Variants in TRPC6 observed in about 807,000 individuals in gnomAD.
The protein encoded by TRPC6 is transient receptor potential cation channel subfamily C member 6.
TRPC6 carries 55 observed loss-of-function variants against 90.7 expected under a neutral mutation model. The ratio of observed to expected loss-of-function variants is 0.61; its 90% CI spans 0.49 to 0.76. The LOEUF is 0.76. Ranked by LOEUF, TRPC6 falls within the 30% of genes least tolerant of loss-of-function variation. The pLI is 0.00. For synonymous variants in TRPC6, 393 were observed against 393.0 expected (o/e 1.00, Z 0.00); for missense variants, 989 against 1,122.7 (o/e 0.88, Z 1.70).
chr11:101,457,849 A>G (rs758475761), intron 10 of TRPC6, among the ~76,000 whole-genome samples: 6 of 152,182 alleles, frequency 3.9e-5, no homozygotes, highest in Non-Finnish European at 8.8e-5. Context: ...ACATTCTATA[A>G]TTGTCAAGAG....
At chr11:101,520,298 G>A (rs998893655) in intron 1 of TRPC6, among the ~76,000 whole-genome samples, 8 of 151,866 alleles carry the variant, frequency 5.3e-5, no homozygotes, top group Admixed American at 2.6e-4. Context: ...CTTCCCCTTC[G>A]CCTTCCACCA....
In TRPC6 at chr11:101,491,986, G is replaced by A. The variant is rs10895116; in HGVS notation, c.946-248C>T. ...CTCCCGAGTAGCTGGGACTACAGGCGCCCGCCACCACGCCCGGCTAATTTT... is the reference window on the plus strand; with the variant it reads ...CTCCCGAGTAGCTGGGACTACAGGCACCCGCCACCACGCCCGGCTAATTTT... On this transcript the variant is annotated intron_variant, in intron 2 of 12. Transcript: ENST00000344327. 0.39 allele frequency among the ~76,000 whole-genome samples: 58,960 copies of A among 150,654 alleles called. 12,345 individuals are homozygous for A. The highest frequency in any genetic ancestry group is 0.56 in the African/African-American group (22,749 of 40,934).
In TRPC6 at chr11:101,499,641, A is replaced by G. The variant is rs1565218525; in HGVS notation, c.945+4383T>C. Among the ~76,000 whole-genome samples, 6 of 41,774 alleles carry G rather than the reference A, an allele frequency of 1.4e-4. No individual in the cohort carries two copies. In the South Asian group the frequency reaches 2.1e-3, roughly 15 times the overall value. 27.4% of individuals were successfully genotyped at this position (41,774 alleles called of 152,430 possible). On this transcript the variant is annotated intron_variant, in intron 2 of 12. Transcript: ENST00000344327. The stretch of plus-strand genomic sequence containing the variant: ...TATACACACACAATATAAAATGTGT[A>G]TATATATATATACACAATATAAAAT...
intron 1 of TRPC6, among the ~76,000 whole-genome samples, chr11:101,509,209 C>T (rs1860343526): frequency 6.6e-6 from 1 of 151,512 alleles, no homozygotes; most frequent in Admixed American, 6.6e-5. Context: ...ATCAATCCTC[C>T]TTCCTCAGCC....
intron 1 of TRPC6, among the ~76,000 whole-genome samples, chr11:101,555,400 G>T (rs1478652536): frequency 6.6e-6 from 1 of 152,036 alleles, no homozygotes; most frequent in Non-Finnish European, 1.5e-5. Context: ...TCCTTTTCCT[G>T]TCTAGGAAGG....
At chr11:101,468,006 C>G (rs1454362034) in intron 10 of TRPC6, among the ~76,000 whole-genome samples, 1 of 152,180 alleles carries the variant, frequency 6.6e-6, no homozygotes, top group African/African-American at 2.4e-5. Flanking sequence ...GCAAGCCAAA[C>G]AAAACTTGTC....
At chr11:101,473,455 C>G (rs1859339968) in intron 7 of TRPC6, 54 bp downstream of exon 7, 1 of 1,592,552 alleles carries the variant, frequency 6.3e-7, no homozygotes, top group Admixed American at 1.7e-5. Flanking sequence ...CGCTGTTAAA[C>G]TAATATTTAT....
chr11:101,544,879 T>A (rs4477410), intron 1 of TRPC6, among the ~76,000 whole-genome samples: 108,715 of 151,750 alleles, frequency 0.72, 39,454 homozygotes, highest in East Asian at 0.99. Context: ...AAAGTATAAT[T>A]AAAAAAAATG....
intron 1 of TRPC6, among the ~76,000 whole-genome samples, chr11:101,557,048 G>A (rs566540990): frequency 1.0e-3 from 159 of 152,238 alleles, no homozygotes; most frequent in Non-Finnish European, 1.9e-3. Context: ...ACGTATAGAA[G>A]AAAGGTACCT....
chr11:101,458,994 A>G (rs1480551675), intron 10 of TRPC6, among the ~76,000 whole-genome samples: 1 of 152,250 alleles, frequency 6.6e-6, no homozygotes, highest in Non-Finnish European at 1.5e-5. Flanking sequence ...GGGCCAAACC[A>G]TCTCATTAGC....
chr11:101,487,038 G>A (rs773507638), intron 4 of TRPC6, among the ~76,000 whole-genome samples: 6 of 152,116 alleles, frequency 3.9e-5, no homozygotes, highest in Non-Finnish European at 8.8e-5. Flanking sequence ...CATATGGCCA[G>A]GGAAGAAGAA....
intron 1 of TRPC6, among the ~76,000 whole-genome samples, chr11:101,533,393 G>A (rs1860957486): frequency 6.6e-6 from 1 of 152,084 alleles, no homozygotes; most frequent in South Asian, 2.1e-4. Context: ...GGGAAGCGGG[G>A]CAGTGCCACA....
chr11:101,549,763 T>C (rs1022357883), intron 1 of TRPC6, among the ~76,000 whole-genome samples: 5 of 150,512 alleles, frequency 3.3e-5, no homozygotes, highest in African/African-American at 1.2e-4. Context: ...TAAAATAAAA[T>C]TGAGAAAGAA....
At chr11:101,497,675 T>A (rs1859983301) in intron 2 of TRPC6, among the ~76,000 whole-genome samples, 1 of 152,150 alleles carries the variant, frequency 6.6e-6, no homozygotes, top group Non-Finnish European at 1.5e-5. Context: ...ATTCCTGCTA[T>A]ATAAAAGAGG....
Position 101,455,045 on chromosome 11 carries a change from A to G in TRPC6, c.2541T>C (p.Ser847=), listed in dbSNP as rs1858851269. Residue 847 remains serine, a synonymous_variant, in exon 11 of 13, where the codon AGT becomes AGC. Transcript: ENST00000344327. ...IRSSEDFHLN[S]FNNPPRQYQK... is the part of the protein sequence containing the mutation. Reference sequence around the variant, plus strand: ...GATATTGTCTTGGAGGATTATTGAAACTATTTAGATGGAAATCTTCTGAGC... The same window carrying G: ...GATATTGTCTTGGAGGATTATTGAAGCTATTTAGATGGAAATCTTCTGAGC... 1.9e-6 allele frequency: 3 copies of G among 1,612,432 alleles called. No individual in the cohort carries two copies. Among genetic ancestry groups the G allele is most frequent in the Non-Finnish European group, 2.5e-6 (3 of 1,179,050 alleles).
intron 1 of TRPC6, among the ~76,000 whole-genome samples, chr11:101,518,421 T>C (rs569417310): frequency 2.4e-4 from 37 of 152,220 alleles, no homozygotes; most frequent in African/African-American, 7.7e-4. Flanking sequence ...GACATACAAA[T>C]TGCAAACAGA....
rs550736036 is a variant in TRPC6, at chr11:101,568,332, G to A, written c.170+15002C>T. ...TAGAGAAAAAAGAGTGAAAATAAAC[G>A]AACAAAGCCTCCAAGAAATATGGGA... On this transcript the variant is annotated intron_variant, in intron 1 of 12. Transcript: ENST00000344327. 5.9e-5 allele frequency among the ~76,000 whole-genome samples: 9 copies of A among 152,196 alleles called. No homozygotes were observed. In the East Asian group the frequency reaches 9.6e-4, roughly 16 times the overall value.
rs1398923033 is a variant in TRPC6, at chr11:101,499,728, T to A, written c.945+4296A>T. ...ATATATACACATTTTATATTGTGTA[T>A]ATGTGTATATATATATACACAATAT... On this transcript the variant is annotated intron_variant, in intron 2 of 12. Coordinates refer to ENST00000344327, the MANE Select transcript of TRPC6 (RefSeq NM_004621.6). 8.3e-4 allele frequency among the ~76,000 whole-genome samples: 24 copies of A among 28,798 alleles called. 6 individuals carry two copies. Among genetic ancestry groups the A allele is most frequent in the African/African-American group, 3.2e-3 (17 of 5,306 alleles). The allele number at this position is 28,798 out of a possible 152,430, so 18.9% of individuals were successfully genotyped here.
At chr11:101,487,772 G>A (rs1436932702) in intron 4 of TRPC6, among the ~76,000 whole-genome samples, 1 of 152,024 alleles carries the variant, frequency 6.6e-6, no homozygotes, top group Non-Finnish European at 1.5e-5. Flanking sequence ...ATTTTAAGGG[G>A]AAAATATCTA....
Sources: gnomAD v4.1 joint callset for allele counts (sites outside exome capture counted in the v4.1 genomes callset) on GRCh38, gnomAD v4.1.1 for gene constraint, MANE v1.5 for transcripts, NCBI Gene and HGNC (gene_info 2026-07-23, HGNC 2026-07-21) for gene names.